CDH18: variants seen among roughly 807,000 people sequenced by gnomAD.
CDH18 encodes the protein cadherin-18.
A neutral mutation model predicts 67.9 loss-of-function variants in CDH18; 31 were observed. The ratio of observed to expected loss-of-function variants is 0.46; its 90% confidence interval spans 0.34 to 0.62. The LOEUF is 0.62. Among genes scored for constraint, CDH18 ranks in the 20% least tolerant of loss-of-function variants. CDH18 has a pLI of 0.01. For synonymous variants in CDH18, 362 were observed against 347.2 expected, an observed-to-expected ratio of 1.04 and a Z score of -0.48; for missense variants, 890 against 975.5, an observed-to-expected ratio of 0.91 and a Z score of 1.17.
chr5:20,471,002 C>G (rs919133630), intron 1 of CDH18, among the ~76,000 whole-genome samples: 1 of 152,158 alleles, frequency 6.6e-6, no homozygotes, highest in Admixed American at 6.5e-5. Context: ...CCTCACCATT[C>G]CTGTTTCCCC....
chr5:20,442,985 G>A (rs985352328), intron 1 of CDH18, among the ~76,000 whole-genome samples: 3 of 151,240 alleles, frequency 2.0e-5, no homozygotes, highest in African/African-American at 2.4e-5. Context: ...CGAGGCGGGC[G>A]GATCACGAGG....
At chr5:19,767,135 G>C (rs1264941826) in intron 3 of CDH18, among the ~76,000 whole-genome samples, 1 of 151,678 alleles carries the variant, frequency 6.6e-6, no homozygotes. Flanking sequence ...ATAATACCAG[G>C]AGAAAACTTG....
rs181178645 is a variant in CDH18 at position 20,276,482 on chromosome 5, A to C, written c.-579-20977T>G. On this transcript the variant is annotated intron_variant, in intron 1 of 14. Transcript: ENST00000507958. The stretch of plus-strand genomic sequence containing the variant: ...TTGAAGGCAAAGAACAAATTCTGGC[A>C]GGATTCATCCCCAGCTGAATAAAGA... 2.0e-5 allele frequency among the ~76,000 whole-genome samples: 3 copies of C among 152,324 alleles called. No homozygotes were observed. In the East Asian group the frequency reaches 5.8e-4, roughly 29 times the overall value.
intron 5 of CDH18, among the ~76,000 whole-genome samples, chr5:19,637,753 C>T (rs908389934): frequency 3.9e-5 from 6 of 152,058 alleles, no homozygotes; most frequent in African/African-American, 1.4e-4. Flanking sequence ...AGTAATTTTC[C>T]ATCCAGTGAC....
intron 2 of CDH18, among the ~76,000 whole-genome samples, chr5:20,234,656 G>A (rs1353392247): frequency 6.6e-6 from 1 of 152,052 alleles, no homozygotes; most frequent in South Asian, 2.1e-4. Flanking sequence ...CACTCATTCT[G>A]CTCTAATTTG....
intron 2 of CDH18, among the ~76,000 whole-genome samples, chr5:20,189,183 C>CT (rs573900482): frequency 3.2e-4 from 49 of 151,430 alleles, no homozygotes; most frequent in East Asian, 1.6e-3. Flanking sequence ...TGACTTCTCA[C>CT]TTTTTTTTTG....
intron 2 of CDH18, among the ~76,000 whole-genome samples, chr5:19,846,259 T>G (rs1782936080): frequency 6.6e-6 from 1 of 152,118 alleles, no homozygotes; most frequent in Non-Finnish European, 1.5e-5. Flanking sequence ...GATAACAAAT[T>G]ATATTCAATT....
intron 1 of CDH18, among the ~76,000 whole-genome samples, chr5:20,267,364 T>C (rs570801132): frequency 1.3e-5 from 2 of 152,316 alleles, no homozygotes; most frequent in South Asian, 4.1e-4. Flanking sequence ...AGTCAGGCAA[T>C]GTGATGCCTC....
chr5:20,083,967 C>T (rs549077943), intron 2 of CDH18, among the ~76,000 whole-genome samples: 72 of 152,184 alleles, frequency 4.7e-4, no homozygotes, highest in Middle Eastern at 6.8e-3. Flanking sequence ...CACATCATTC[C>T]GCACCTGGTC....
chr5:20,512,308 A>G (rs556761526), intron 1 of CDH18, among the ~76,000 whole-genome samples: 3 of 152,322 alleles, frequency 2.0e-5, no homozygotes, highest in African/African-American at 7.2e-5. Flanking sequence ...TAGATTGCTT[A>G]TAATTTTTCA....
chr5:20,400,892 C>A (rs796401427), intron 1 of CDH18, among the ~76,000 whole-genome samples: 15 of 152,190 alleles, frequency 9.9e-5, no homozygotes, highest in African/African-American at 3.6e-4. Context: ...TAATTTTATC[C>A]CTTGCACTGA....
At chr5:20,538,313 A>C (rs531798446) in intron 1 of CDH18, among the ~76,000 whole-genome samples, 1 of 152,344 alleles carries the variant, frequency 6.6e-6, no homozygotes, top group South Asian at 2.1e-4. Context: ...GGTTTTCTAA[A>C]GCATTTCTCA....
At chr5:20,099,847 G>T (rs1746304864) in intron 2 of CDH18, among the ~76,000 whole-genome samples, 1 of 152,014 alleles carries the variant, frequency 6.6e-6, no homozygotes, top group Admixed American at 6.6e-5. Context: ...GCAGTGGCAG[G>T]GTCTTGGCTC....
intron 2 of CDH18, among the ~76,000 whole-genome samples, chr5:19,953,302 A>G (rs1010382960): frequency 1.3e-5 from 2 of 152,120 alleles, no homozygotes; most frequent in African/African-American, 2.4e-5. Flanking sequence ...ATATGTTAAG[A>G]CTGAATAATA....
At chr5:19,510,268 T>G (rs958564232) in intron 10 of CDH18, among the ~76,000 whole-genome samples, 2 of 152,072 alleles carry the variant, frequency 1.3e-5, no homozygotes, top group Non-Finnish European at 2.9e-5. Flanking sequence ...ACTATGAAAC[T>G]AAAGAATACA....
chr5:20,530,993 C>A (rs1756367456), intron 1 of CDH18, among the ~76,000 whole-genome samples: 1 of 151,978 alleles, frequency 6.6e-6, no homozygotes, highest in Non-Finnish European at 1.5e-5. Context: ...ATCCATCTGG[C>A]AAAGGTCTAA....
intron 2 of CDH18, among the ~76,000 whole-genome samples, chr5:20,250,886 G>A (rs1254146047): frequency 1.3e-5 from 2 of 152,046 alleles, no homozygotes; most frequent in African/African-American, 4.8e-5. Flanking sequence ...GATTACAGGT[G>A]TGAGCAATGG....
intron 1 of CDH18, among the ~76,000 whole-genome samples, chr5:20,368,694 G>C (rs1742721530): frequency 6.6e-6 from 1 of 152,006 alleles, no homozygotes; most frequent in Non-Finnish European, 1.5e-5. Context: ...TCTAACTTTG[G>C]CACAAAAAGC....
At chr5:19,595,794 G>T (rs535471102) in intron 6 of CDH18, among the ~76,000 whole-genome samples, 14 of 152,270 alleles carry the variant, frequency 9.2e-5, no homozygotes, top group African/African-American at 3.4e-4. Context: ...GAATACACCT[G>T]GAATAAACTC....
Sources: allele counts gnomAD v4.1 joint callset (sites outside exome capture counted in the v4.1 genomes callset), GRCh38; gene constraint gnomAD v4.1.1; transcripts MANE v1.5; gene names NCBI Gene and HGNC (gene_info 2026-07-23, HGNC 2026-07-21).